Variants in PIEZO1 observed in about 807,000 individuals in gnomAD.
PIEZO1 encodes the protein piezo type mechanosensitive ion channel component 1 (Er blood group).
Under a neutral mutation model 297.2 loss-of-function variants are expected in PIEZO1, and 296 were observed. That is an observed-to-expected ratio of 1.00 (90% CI 0.91 to 1.10). PIEZO1 has a LOEUF of 1.10. PIEZO1 is among the 50% of genes least tolerant of loss of function. The pLI is 0.00. For synonymous variants in PIEZO1, 2,427 were observed against 1,507.5 expected (o/e 1.61, Z -14.13); for missense variants, 5,018 against 3,455.5 (o/e 1.45, Z -11.34).
intron 5 of PIEZO1, chr16:88,738,981 G>A (rs1905451991): frequency 7.0e-6 from 4 of 571,664 alleles, no homozygotes; most frequent in African/African-American, 1.9e-5. Context: ...CACCCTGGCC[G>A]AAGACCCAGG....
rs1301544115 is a variant in PIEZO1, at chr16:88,738,778, C to G, written c.466-42G>C. The G allele has an allele frequency of 3.4e-6, 5 of 1,483,290 alleles. No homozygotes were observed. In the East Asian group the frequency reaches 7.5e-5, roughly 22 times the overall value. 91.9% of individuals were successfully genotyped at this position (1,483,290 alleles called of 1,614,324 possible). A position where few individuals can be genotyped will look rare whatever the true frequency, so the allele number is the denominator to read the frequency against. ...CAGGGGCAAGGTCAGGTGTATCGCACTGACGCCACCTCTCCAGCCCACACC... is the reference window on the plus strand; with the variant it reads ...CAGGGGCAAGGTCAGGTGTATCGCAGTGACGCCACCTCTCCAGCCCACACC... On this transcript the variant is annotated intron_variant, in intron 5 of 50. Coordinates refer to ENST00000301015, the MANE Select transcript of PIEZO1 (RefSeq NM_001142864.4).
chr16:88,731,625 G>T, intron 22 of PIEZO1, 81 bp downstream of exon 22: 1 of 1,101,452 alleles, frequency 9.1e-7, no homozygotes, highest in Non-Finnish European at 1.3e-6. Flanking sequence ...GTGGACAGGA[G>T]TCTGGGGCAG....
intron 27 of PIEZO1, chr16:88,726,016 A>G (rs1904397569): frequency 7.0e-6 from 4 of 569,018 alleles, no homozygotes; most frequent in Non-Finnish European, 1.2e-5. Context: ...GGAGAAACTT[A>G]GCCCTTAGTG....
At chr16:88,725,335 T>G in intron 29 of PIEZO1, 81 bp downstream of exon 29, 1 of 905,674 alleles carries the variant, frequency 1.1e-6, no homozygotes, top group Non-Finnish European at 1.6e-6. Flanking sequence ...GGACGTCACA[T>G]GGGCACAGAC....
intron 1 of PIEZO1, among the ~76,000 whole-genome samples, chr16:88,773,687 G>A (rs1378753472): frequency 1.3e-5 from 2 of 152,130 alleles, no homozygotes; most frequent in Non-Finnish European, 2.9e-5. Context: ...CCTACTGGGT[G>A]ACAGGCAGGT....
chr16:88,770,642 G>A (rs1245295854), intron 1 of PIEZO1, among the ~76,000 whole-genome samples: 2 of 152,154 alleles, frequency 1.3e-5, no homozygotes, highest in South Asian at 2.1e-4. Context: ...GTACTCTCCC[G>A]CCAGCTGCCG....
chr16:88,732,975 G>T (rs989461300), intron 19 of PIEZO1: 2 of 584,062 alleles, frequency 3.4e-6, no homozygotes, highest in Admixed American at 6.2e-5. Context: ...TGTGCGAGAA[G>T]GTCCCAGGCA....
chr16:88,735,719 C>T (rs1260762897), intron 12 of PIEZO1, among the ~76,000 whole-genome samples: 1 of 152,282 alleles, frequency 6.6e-6, no homozygotes, highest in African/African-American at 2.4e-5. Flanking sequence ...CACGCAGGCA[C>T]CCTGTGAACA....
At position 88,721,344 on chromosome 16, in the gene PIEZO1, C is replaced by T. The variant is rs1170478164; in HGVS notation, c.5490G>A (p.Gly1830=). 4 of 1,548,370 alleles carry T rather than the reference C, an allele frequency of 2.6e-6. No homozygotes were observed. In the South Asian group the frequency reaches 3.6e-5, roughly 14 times the overall value. The change falls in exon 39 of 51, where the codon GGG becomes GGA. Residue 1830 remains glycine, a synonymous_variant. Transcript: ENST00000301015. ...CGGTGGTGGCCGCAGGCACCCCTGG[C>T]CCCTCCTCGGCTCCCTGCTCCTCCT... The part of the protein sequence containing the change: ...SGEEEQGAEE[G]PGVPAATTED...
At position 88,733,691 on chromosome 16, in the gene PIEZO1, A is replaced by G; in HGVS notation, c.2384T>C (p.Phe795Ser). 1 of 1,549,108 alleles carries G rather than the reference A, an allele frequency of 6.5e-7. No individual in the cohort carries two copies. Among genetic ancestry groups the G allele is most frequent in the Non-Finnish European group, 8.7e-7 (1 of 1,146,344 alleles). The change falls in exon 18 of 51, where the codon TTC (phenylalanine) becomes TCC (serine). Residue 795 changes from phenylalanine (F) to serine (S), a missense_variant. Physicochemically the swap from Phe to Ser is radical, Grantham distance 155. Coordinates refer to ENST00000301015, the MANE Select transcript of PIEZO1 (RefSeq NM_001142864.4). ...AERLLELAAG[F>S]SDVLSRVQVF... is the part of the protein sequence containing the mutation. ...CTGCACGCGTGAGAGGACGTCCGAG[A>G]AGCCGGCTGCCAGCTCCAGCAGCCG...
chr16:88,730,594 T>C (rs565261653), intron 22 of PIEZO1, among the ~76,000 whole-genome samples: 9 of 58,936 alleles, frequency 1.5e-4, no homozygotes, highest in African/African-American at 6.8e-4. Flanking sequence ...CAAGACTCCA[T>C]CTCAAAAAAA....
intron 1 of PIEZO1, among the ~76,000 whole-genome samples, chr16:88,757,311 G>A (rs1235516573): frequency 2.1e-5 from 2 of 93,676 alleles, no homozygotes; most frequent in Non-Finnish European, 4.4e-5. Context: ...TGCAGGGGGC[G>A]TTGCTGGCGG....
chr16:88,734,357 T>C lies in PIEZO1; in HGVS notation c.2179A>G (p.Arg727Gly), dbSNP rs1401998718. 1.3e-6 allele frequency: 2 copies of C among 1,527,564 alleles called. No homozygotes were observed. The highest frequency in any genetic ancestry group is 2.5e-5 in the East Asian group (1 of 40,720). 94.6% of individuals were successfully genotyped at this position (1,527,564 alleles called of 1,614,324 possible). A position where few individuals can be genotyped will look rare whatever the true frequency, so the allele number is the denominator to read the frequency against. ...PGTRLPRWAHRQDAVSGTPLL... is the reference protein window; with the variant it reads ...PGTRLPRWAHGQDAVSGTPLL... ...CGGACAGGGAGGGCGGGGCCGCACC[T>C]GTGAGCCCAGCGCGGGAGGCGCGTG... Residue 727 changes from arginine to glycine, a missense_variant and splice_region_variant, in exon 16 of 51, where the codon AGG becomes GGG. By Grantham distance (125) the Arg-to-Gly change is moderately radical (BLOSUM62 -2). Transcript: ENST00000301015.
chr16:88,720,359 G>A (rs774826844), intron 41 of PIEZO1, 26 bp downstream of exon 41: 5 of 1,550,142 alleles, frequency 3.2e-6, no homozygotes, highest in South Asian at 1.2e-5. Context: ...TGCGTACACT[G>A]GGTTTGGGTC....
intron 1 of PIEZO1, among the ~76,000 whole-genome samples, chr16:88,757,929 C>T (rs1278356579): frequency 6.6e-6 from 1 of 152,194 alleles, no homozygotes; most frequent in Non-Finnish European, 1.5e-5. Flanking sequence ...TTCACAGACT[C>T]CAGCCAGCCT....
At chr16:88,745,968 T>C (rs543250946) in intron 2 of PIEZO1, among the ~76,000 whole-genome samples, 2 of 152,220 alleles carry the variant, frequency 1.3e-5, no homozygotes, top group South Asian at 4.1e-4. Context: ...ATAGCCACCA[T>C]CCCCACACCT....
chr16:88,760,771 G>T (rs768135063), intron 1 of PIEZO1, among the ~76,000 whole-genome samples: 2 of 152,246 alleles, frequency 1.3e-5, no homozygotes, highest in Non-Finnish European at 2.9e-5. Context: ...ACCCGCCTTC[G>T]ACGCAGCAGG....
At chr16:88,723,845 G>C (rs754440842) in intron 31 of PIEZO1, 26 bp downstream of exon 31, 39 of 1,235,346 alleles carry the variant, frequency 3.2e-5, no homozygotes, top group Non-Finnish European at 8.1e-6. Flanking sequence ...GGTTGGAGTG[G>C]GGCCGACGGG....
chr16:88,768,850 G>A (rs1907296185), intron 1 of PIEZO1, among the ~76,000 whole-genome samples: 1 of 152,266 alleles, frequency 6.6e-6, no homozygotes, highest in South Asian at 2.1e-4. Context: ...GCCCAGTCCG[G>A]GGCACAGCAG....
Sources: gnomAD v4.1 joint callset for allele counts (sites outside exome capture counted in the v4.1 genomes callset) on GRCh38, gnomAD v4.1.1 for gene constraint, MANE v1.5 for transcripts, NCBI Gene and HGNC (gene_info 2026-07-23, HGNC 2026-07-21) for gene names.